GRIA4: variants seen among roughly 807,000 people sequenced by gnomAD.
GRIA4 encodes glutamate ionotropic receptor AMPA type subunit 4, also known as glutamate receptor 4.
GRIA4 carries 34 observed loss-of-function variants against 104.0 expected under a neutral mutation model. The observed-to-expected ratio is 0.33, with a 90% confidence interval of 0.25 to 0.44. The LOEUF is 0.44. Among genes scored for constraint, GRIA4 ranks in the 20% least tolerant of loss-of-function variants. The pLI is 1.00. For missense variants in GRIA4, 750 were observed against 1,096.5 expected (o/e 0.68, Z 4.46); for synonymous variants, 386 against 381.9 (o/e 1.01, Z -0.13).
rs1029370468 is a variant in GRIA4, at chr11:105,918,560, T to C, written c.1270-152T>C. ...TCTTCTAAGCATACTTATATATTCA[T>C]CTGTTTTATTATTGACTTCTAGCTA... On this transcript the variant is annotated intron_variant, in intron 10 of 16. Transcript: ENST00000282499. 9.0e-6 allele frequency: 5 copies of C among 558,298 alleles called. No homozygotes were observed. The Admixed American group carries it at 1.5e-4, about 17-fold the overall frequency. 34.6% of individuals were successfully genotyped at this position (558,298 alleles called of 1,614,324 possible). A position where few individuals can be genotyped will look rare whatever the true frequency, so the allele number is the denominator to read the frequency against.
chr11:105,708,936 G>A (rs1163655957), intron 3 of GRIA4, among the ~76,000 whole-genome samples: 1 of 151,962 alleles, frequency 6.6e-6, no homozygotes, highest in African/African-American at 2.4e-5. Flanking sequence ...GTAGATGTGT[G>A]TGTAAGTATC....
chr11:105,894,505 G>C lies in GRIA4; in HGVS notation c.727-3764G>C, dbSNP rs78285424. On this transcript the variant is annotated intron_variant, in intron 6 of 16. Coordinates refer to ENST00000282499, the MANE Select transcript of GRIA4 (RefSeq NM_000829.4). ...CATATAATAAGCTCAGCATATAATA[G>C]CTGTTAGCTCGTATACCTGGGCCTC... Among the ~76,000 whole-genome samples the C allele has an allele frequency of 9.4e-3, 1,434 of 152,240 alleles. 13 individuals are homozygous for C. The highest frequency in any genetic ancestry group is 0.039 in the East Asian group (204 of 5,170).
chr11:105,631,994 C>T (rs1015492414), intron 3 of GRIA4, among the ~76,000 whole-genome samples: 1 of 152,048 alleles, frequency 6.6e-6, no homozygotes, highest in Non-Finnish European at 1.5e-5. Flanking sequence ...GAAAGCATCT[C>T]ATTGGATATG....
chr11:105,656,460 TG>T (rs1951849457), intron 3 of GRIA4, among the ~76,000 whole-genome samples: 2 of 152,124 alleles, frequency 1.3e-5, no homozygotes, highest in African/African-American at 4.8e-5. Flanking sequence ...GACATAGGCA[TG>T]GGCAAAGACT....
chr11:105,662,519 C>G (rs1300939537), intron 3 of GRIA4, among the ~76,000 whole-genome samples: 1 of 151,592 alleles, frequency 6.6e-6, no homozygotes, highest in Admixed American at 6.6e-5. Context: ...GTGGAGAGTT[C>G]AAGTTAGAGA....
At chr11:105,888,271 CTTTTTTTTTTT>C (rs71469040) in intron 6 of GRIA4, among the ~76,000 whole-genome samples, 5 of 54,574 alleles carry the variant, frequency 9.2e-5, no homozygotes, top group African/African-American at 1.6e-4. Context: ...ATGTTTTCTC[CTTTTTTTTTTT>C]TTTTTTTTTT....
intron 8 of GRIA4, among the ~76,000 whole-genome samples, chr11:105,904,811 A>C (rs553487316): frequency 7.9e-5 from 12 of 152,310 alleles, no homozygotes; most frequent in Non-Finnish European, 1.8e-4. Flanking sequence ...CAAGGTGAGA[A>C]TATGATCTGG....
intron 3 of GRIA4, among the ~76,000 whole-genome samples, chr11:105,687,600 T>C (rs1358533616): frequency 6.6e-6 from 1 of 152,192 alleles, no homozygotes; most frequent in Admixed American, 6.5e-5. Context: ...AGAACTAAGG[T>C]TTCCTCCATG....
intron 3 of GRIA4, among the ~76,000 whole-genome samples, chr11:105,705,080 T>C (rs1274072364): frequency 2.0e-5 from 3 of 152,138 alleles, no homozygotes; most frequent in African/African-American, 7.2e-5. Flanking sequence ...GTCAGTGGAA[T>C]AGAACAGAAA....
At chr11:105,611,459 A>G (rs1469889567) in intron 2 of GRIA4, among the ~76,000 whole-genome samples, 1 of 152,114 alleles carries the variant, frequency 6.6e-6, no homozygotes, top group African/African-American at 2.4e-5. Flanking sequence ...TAAAAAAGAA[A>G]AAAAAAATCC....
At chr11:105,642,493 G>A (rs901415877) in intron 3 of GRIA4, among the ~76,000 whole-genome samples, 5 of 113,634 alleles carry the variant, frequency 4.4e-5, no homozygotes, top group African/African-American at 1.0e-4. Flanking sequence ...TCATAAAAAA[G>A]TATTTCTTAA....
At chr11:105,708,289 A>G (rs537328858) in intron 3 of GRIA4, among the ~76,000 whole-genome samples, 106 of 152,242 alleles carry the variant, frequency 7.0e-4, no homozygotes, top group African/African-American at 2.5e-3. Flanking sequence ...TACCAGAAAC[A>G]AATGAGATTT....
intron 4 of GRIA4, among the ~76,000 whole-genome samples, chr11:105,761,650 TA>T (rs1940657031): frequency 6.6e-6 from 1 of 152,180 alleles, no homozygotes; most frequent in Non-Finnish European, 1.5e-5. Context: ...TGTGTTCTAA[TA>T]AAACTCTATT....
rs560332217 is a variant in GRIA4 at position 105,972,257 on chromosome 11, A to G, written c.2409+229A>G. On this transcript the variant is annotated intron_variant, in intron 15 of 16. Transcript: ENST00000282499. ...TTAAATTAAAACTGCAAAAATTCTT[A>G]AATAATAAAATTCCTTTTACATTAT... Among the ~76,000 whole-genome samples, 11 of 152,352 alleles carry G rather than the reference A, an allele frequency of 7.2e-5. No homozygotes were observed. In the South Asian group the frequency reaches 1.9e-3, roughly 26 times the overall value.
intron 7 of GRIA4, among the ~76,000 whole-genome samples, chr11:105,900,348 T>C (rs1488766708): frequency 6.6e-6 from 1 of 152,156 alleles, no homozygotes; most frequent in African/African-American, 2.4e-5. Flanking sequence ...ATCAAGGTTT[T>C]CCATTCTATA....
chr11:105,657,152 T>G (rs1420793364), intron 3 of GRIA4, among the ~76,000 whole-genome samples: 1 of 152,012 alleles, frequency 6.6e-6, no homozygotes, highest in Non-Finnish European at 1.5e-5. Context: ...GTGGTAACCT[T>G]CAGTTCCAAT....
intron 3 of GRIA4, among the ~76,000 whole-genome samples, chr11:105,700,552 T>C (rs1953451683): frequency 6.6e-6 from 1 of 152,164 alleles, no homozygotes; most frequent in Admixed American, 6.6e-5. Context: ...TAATCCTGCA[T>C]TGCATCTTTT....
At chr11:105,927,679 G>A (rs543298631) in intron 13 of GRIA4, among the ~76,000 whole-genome samples, 47 of 151,718 alleles carry the variant, frequency 3.1e-4, no homozygotes, top group African/African-American at 1.1e-3. Flanking sequence ...TTTAGTGTTT[G>A]TTCCATTATG....
intron 11 of GRIA4, 43 bp downstream of exon 11, chr11:105,918,961 G>T (rs1290244481): frequency 1.0e-5 from 12 of 1,158,572 alleles, no homozygotes; most frequent in Non-Finnish European, 1.6e-5. Context: ...ACATACACCT[G>T]AAACTTCTTT....
Sources: gnomAD v4.1 joint callset for allele counts (sites outside exome capture counted in the v4.1 genomes callset) on GRCh38, gnomAD v4.1.1 for gene constraint, MANE v1.5 for transcripts, NCBI Gene and HGNC (gene_info 2026-07-23, HGNC 2026-07-21) for gene names.